Variants in USF3 observed in about 807,000 individuals in gnomAD.
USF3 encodes upstream transcription factor family member 3.
Under a neutral mutation model 157.5 loss-of-function variants are expected in USF3, and 29 were observed. The observed-to-expected ratio is 0.18, with a 90% CI of 0.14 to 0.25. USF3 has a LOEUF of 0.25. USF3 is among the 10% of genes least tolerant of loss of function. The pLI is 1.00. For missense variants in USF3, 2,381 were observed against 2,667.6 expected (o/e 0.89, Z 2.37); for synonymous variants, 893 against 941.4 (o/e 0.95, Z 0.94).
At position 113,678,451 on chromosome 3, in the gene USF3, G is replaced by T. The variant is rs897946855; in HGVS notation, c.-134-1054C>A. ...TTCTCTGCACTCAGGTGAAAGCCAGGAATTTAACTGAAAGAGGAAGACAAC... is the reference window on the plus strand; with the variant it reads ...TTCTCTGCACTCAGGTGAAAGCCAGTAATTTAACTGAAAGAGGAAGACAAC... On this transcript the variant is annotated intron_variant, in intron 1 of 6. Transcript: ENST00000316407. Among the ~76,000 whole-genome samples the T allele has an allele frequency of 2.6e-5, 4 of 152,038 alleles. No individual in the cohort carries two copies. The East Asian group carries it at 7.7e-4, about 29-fold the overall frequency.
At chr3:113,666,358 TCTC>T (rs1423096024) in intron 5 of USF3, among the ~76,000 whole-genome samples, 1 of 146,928 alleles carries the variant, frequency 6.8e-6, no homozygotes, top group Non-Finnish European at 1.5e-5. Flanking sequence ...CTCAAGCAAT[TCTC>T]CTGCCTCTGC....
At position 113,654,773 on chromosome 3, in the gene USF3, A is replaced by C; in HGVS notation, c.*171T>G. On this transcript the variant is annotated 3_prime_UTR_variant, in exon 7 of 7. Transcript: ENST00000316407. ...AAAACGAAAGATAACTTGTTTTCTG[A>C]CAACCCAGTATCTGCATCTGACATG... is the stretch of plus-strand genomic sequence containing the variant. 1.6e-6 allele frequency: 1 copy of C among 631,798 alleles called. No homozygotes were observed. Among genetic ancestry groups the C allele is most frequent in the Non-Finnish European group, 2.6e-6 (1 of 391,750 alleles). 39.1% of individuals were successfully genotyped at this position (631,798 alleles called of 1,614,324 possible).
At chr3:113,686,266 A>G (rs1384535367) in intron 1 of USF3, among the ~76,000 whole-genome samples, 2 of 152,168 alleles carry the variant, frequency 1.3e-5, no homozygotes, top group Non-Finnish European at 2.9e-5. Flanking sequence ...ACTGTGACAG[A>G]GCAACACTGA....
chr3:113,692,245 C>G (rs909541999), intron 1 of USF3, among the ~76,000 whole-genome samples: 1 of 152,162 alleles, frequency 6.6e-6, no homozygotes, highest in Admixed American at 6.5e-5. Flanking sequence ...TCCCAAACAT[C>G]CTAATACTCC....
chr3:113,664,797 C>G (rs901313409), intron 5 of USF3, among the ~76,000 whole-genome samples: 19 of 152,052 alleles, frequency 1.2e-4, no homozygotes, highest in African/African-American at 4.3e-4. Context: ...ATGTCTAAAC[C>G]CTTATCCCCA....
rs1266464109 is a variant in USF3, at chr3:113,652,108, A to AGAGAGAGAGAGAGTGTGTGTGT, written c.*2835_*2836insACACACACACTCTCTCTCTCTC. The AGAGAGAGAGAGAGTGTGTGTGT allele has an allele frequency of 1.4e-5, 2 of 142,084 alleles. No individual in the cohort carries two copies. The highest frequency in any genetic ancestry group is 5.2e-5 in the African/African-American group (2 of 38,386). 8.8% of individuals were successfully genotyped at this position (142,084 alleles called of 1,614,324 possible). A position where few individuals can be genotyped will look rare whatever the true frequency, so the allele number is the denominator to read the frequency against. On this transcript the variant is annotated 3_prime_UTR_variant, in exon 7 of 7. Coordinates refer to ENST00000316407, the MANE Select transcript of USF3 (RefSeq NM_001009899.4). ...TGGAGAGAGAGAGAGAGAGAGAGAG[A>AGAGAGAGAGAGAGTGTGTGTGT]GTGTGTGTGTGTGTGTGTGTGTGTG...
rs1022337235 is a variant in USF3, at chr3:113,649,030, C to T, written c.*5914G>A. 6.6e-6 allele frequency: 1 copy of T among 152,474 alleles called. No homozygotes were observed. The highest frequency in any genetic ancestry group is 1.5e-5 in the Non-Finnish European group (1 of 68,006). 9.4% of individuals were successfully genotyped at this position (152,474 alleles called of 1,614,324 possible). On this transcript the variant is annotated 3_prime_UTR_variant, in exon 7 of 7. Transcript: ENST00000316407. ...ATAGTTCAACTCCCCTTAACTGTTACCACTATAGTCAAGCCCAGTACCTCA... is the reference window on the plus strand; with the variant it reads ...ATAGTTCAACTCCCCTTAACTGTTATCACTATAGTCAAGCCCAGTACCTCA...
At chr3:113,686,608 T>C (rs763259251) in intron 1 of USF3, among the ~76,000 whole-genome samples, 18 of 152,204 alleles carry the variant, frequency 1.2e-4, no homozygotes, top group Non-Finnish European at 2.1e-4. Context: ...TTGGTTCTTA[T>C]GTGGATAGTA....
At chr3:113,666,738 T>C (rs1469335657) in intron 5 of USF3, among the ~76,000 whole-genome samples, 3 of 151,592 alleles carry the variant, frequency 2.0e-5, no homozygotes. Flanking sequence ...GCTAATTTGT[T>C]GTTGTTGTTG....
chr3:113,674,297 T>C (rs904002515), intron 3 of USF3, among the ~76,000 whole-genome samples: 4 of 152,206 alleles, frequency 2.6e-5, no homozygotes, highest in African/African-American at 9.6e-5. Flanking sequence ...TATTAACTAC[T>C]GACAGTCATT....
chr3:113,658,107 G>A lies in USF3; in HGVS notation c.3575C>T (p.Thr1192Ile). The A allele has an allele frequency of 6.2e-7, 1 of 1,614,134 alleles. No individual in the cohort carries two copies. Among genetic ancestry groups the A allele is most frequent in the Non-Finnish European group, 8.5e-7 (1 of 1,180,026 alleles). ...ACCCTGAGAATTAAATTCATTTGGT[G>A]TTGCTTCTGCCTGTCCTGTGCCACT... The part of the protein sequence containing the change: ...KESGTGQAEA[T>I]PNEFNSQGSI... Residue 1192 changes from threonine to isoleucine, a missense_variant, in exon 7 of 7, where the codon ACA (threonine) becomes ATA (isoleucine). Transcript: ENST00000316407.
rs772630082 is a variant in USF3 at position 113,659,457 on chromosome 3, T to C, written c.2225A>G (p.Asn742Ser). 19 of 1,614,122 alleles carry C rather than the reference T, an allele frequency of 1.2e-5. No individual in the cohort carries two copies. The highest frequency in any genetic ancestry group is 3.4e-6 in the Non-Finnish European group (4 of 1,180,042). ...ACAGTTAGCTGTAGTGGTTTGACTA[T>C]TTGCAGCAGTTTGAGAATTGGCAGG... ...SQPANSQTAANSQTTTANCVS... is the reference protein window; with the variant it reads ...SQPANSQTAASSQTTTANCVS... Residue 742 changes from asparagine to serine, a missense_variant, in exon 7 of 7, where the codon AAT becomes AGT. Coordinates refer to ENST00000316407, the MANE Select transcript of USF3 (RefSeq NM_001009899.4).
In USF3 at chr3:113,655,523, A is replaced by C. The variant is rs1947338614; in HGVS notation, c.6159T>G (p.Gly2053=). ...DSPQVPNDNS[G]PDQHTLSQNF... is the part of the protein sequence containing the mutation. ...TTTGTGATAGTGTATGCTGGTCAGGACCTGAATTATCATTAGGTACTTGTG... is the reference window on the plus strand; with the variant it reads ...TTTGTGATAGTGTATGCTGGTCAGGCCCTGAATTATCATTAGGTACTTGTG... Residue 2053 remains glycine, a synonymous_variant, in exon 7 of 7, where the codon GGT becomes GGG. Transcript: ENST00000316407. The C allele has an allele frequency of 1.9e-6, 3 of 1,614,048 alleles. No individual in the cohort carries two copies. Among genetic ancestry groups the C allele is most frequent in the African/African-American group, 1.3e-5 (1 of 74,912 alleles).
intron 2 of USF3, among the ~76,000 whole-genome samples, chr3:113,676,778 T>C (rs1398961203): frequency 6.6e-6 from 1 of 151,910 alleles, no homozygotes; most frequent in Admixed American, 6.6e-5. Flanking sequence ...AAAGCATGAG[T>C]TTAAAATCTG....
intron 1 of USF3, among the ~76,000 whole-genome samples, chr3:113,693,823 G>A (rs773094688): frequency 7.2e-5 from 11 of 152,290 alleles, no homozygotes; most frequent in Non-Finnish European, 1.3e-4. Context: ...TATTATTGGC[G>A]GTAGGGAGGA....
At chr3:113,687,146 G>C (rs1300090047) in intron 1 of USF3, among the ~76,000 whole-genome samples, 1 of 151,848 alleles carries the variant, frequency 6.6e-6, no homozygotes, top group Non-Finnish European at 1.5e-5. Context: ...TTCAATGCTA[G>C]AGTTAATATG....
intron 5 of USF3, among the ~76,000 whole-genome samples, chr3:113,666,545 G>A (rs1446398757): frequency 7.6e-5 from 11 of 144,344 alleles, no homozygotes; most frequent in African/African-American, 2.6e-4. Flanking sequence ...GAGCCACCAT[G>A]CCTGGCCCCT....
rs1256497387 is a variant in USF3, at chr3:113,656,954, C to T, written c.4728G>A (p.Glu1576=). Reference sequence around the variant, plus strand: ...TAGTTGAAGGGTTTTCACAGCTCTTCTCTGTCTGGGAGCTTCCAAAGTGTT... The same window carrying T: ...TAGTTGAAGGGTTTTCACAGCTCTTTTCTGTCTGGGAGCTTCCAAAGTGTT... ...MQQHFGSSQT[E]KSCENPSTSR... is the part of the protein sequence containing the mutation. The change falls in exon 7 of 7, where the codon GAG becomes GAA. Residue 1576 remains glutamate (E), a synonymous_variant. Coordinates refer to ENST00000316407, the MANE Select transcript of USF3 (RefSeq NM_001009899.4). The T allele has an allele frequency of 6.2e-7, 1 of 1,614,176 alleles. No homozygotes were observed. Among genetic ancestry groups the T allele is most frequent in the Non-Finnish European group, 8.5e-7 (1 of 1,180,032 alleles).
Position 113,657,559 on chromosome 3 carries a change from C to T in USF3, c.4123G>A (p.Val1375Ile). 6.2e-7 allele frequency: 1 copy of T among 1,614,124 alleles called. No individual in the cohort carries two copies. The highest frequency in any genetic ancestry group is 1.7e-5 in the Admixed American group (1 of 60,010). ...DTISDQTQMM[V>I]SQIPPNSSNS... Reference sequence around the variant, plus strand: ...GAAGAATTAGGAGGGATCTGACTGACCATCATTTGAGTTTGGTCAGAAATG... The same window carrying T: ...GAAGAATTAGGAGGGATCTGACTGATCATCATTTGAGTTTGGTCAGAAATG... Residue 1375 changes from valine (V) to isoleucine (I), a missense_variant, in exon 7 of 7, where the codon GTC becomes ATC. Around this residue, in one of 6 missense-constraint regions of USF3, gnomAD observed 1,435 missense variants for 1,550.9 expected, o/e 0.93. Coordinates refer to ENST00000316407, the MANE Select transcript of USF3 (RefSeq NM_001009899.4).
Sources: allele counts gnomAD v4.1 joint callset (sites outside exome capture counted in the v4.1 genomes callset), GRCh38; gene constraint gnomAD v4.1.1; regional missense constraint gnomAD v4.1.1; transcripts MANE v1.5; gene names NCBI Gene and HGNC (gene_info 2026-07-23, HGNC 2026-07-21).